Variants in REPS2 observed in about 807,000 individuals in gnomAD.
REPS2 encodes the protein ralBP1-associated Eps domain-containing protein 2.
A neutral mutation model predicts 53.6 loss-of-function variants in REPS2; 23 were observed. The ratio of observed to expected loss-of-function variants is 0.43; its 90% CI spans 0.31 to 0.61. The LOEUF (loss-of-function observed/expected upper bound fraction) is 0.61. Among genes scored for constraint, REPS2 ranks in the 20% least tolerant of loss-of-function variants. The probability of loss-of-function intolerance (pLI) is 0.11; values close to 1 mark genes in which losing one functional copy is unlikely to be tolerated. For synonymous variants in REPS2, 238 were observed against 218.6 expected, an observed-to-expected ratio of 1.09 and a Z score of -0.78; for missense variants, 446 against 534.9, an observed-to-expected ratio of 0.83 and a Z score of 1.64.
chrX:17,127,667 C>T (rs896496759), intron 14 of REPS2, among the ~76,000 whole-genome samples: 1 of 111,491 alleles, frequency 9.0e-6, no homozygotes, highest in Non-Finnish European at 1.9e-5. Flanking sequence ...TTTCTCCTGA[C>T]TCCTCACCCT....
At chrX:17,050,368 T>G (rs1013913410) in intron 6 of REPS2, among the ~76,000 whole-genome samples, 6 of 104,352 alleles carry the variant, frequency 5.7e-5, no homozygotes, top group African/African-American at 2.1e-4. Context: ...CTAATTTTTT[T>G]GTAGAGAGGA....
chrX:17,089,131 C>T (rs956077156), intron 13 of REPS2, among the ~76,000 whole-genome samples: 4 of 111,374 alleles, frequency 3.6e-5, no homozygotes, highest in Non-Finnish European at 7.5e-5. Flanking sequence ...TAGTAGATTT[C>T]TCTGAGGTAC....
chrX:17,187,402 GAA>G, the REPS2 span, among the ~76,000 whole-genome samples: 1 of 111,881 alleles, frequency 8.9e-6, no homozygotes, highest in Non-Finnish European at 1.9e-5. Context: ...AAGCTCCTGA[GAA>G]AAGAGATCTA....
At chrX:17,123,209 G>A (rs1019858759) in intron 14 of REPS2, among the ~76,000 whole-genome samples, 2 of 111,459 alleles carry the variant, frequency 1.8e-5, no homozygotes. Context: ...TGAGTCTCTA[G>A]AGAATCCTGC....
At chrX:17,017,673 G>C (rs2061516130) in intron 2 of REPS2, among the ~76,000 whole-genome samples, 1 of 111,639 alleles carries the variant, frequency 9.0e-6, no homozygotes, top group Admixed American at 9.5e-5. Context: ...AAATCAATTA[G>C]TTGCTTACAT....
intron 10 of REPS2, among the ~76,000 whole-genome samples, chrX:17,069,089 T>C (rs1163489975): frequency 1.8e-5 from 2 of 112,176 alleles, no homozygotes; most frequent in African/African-American, 3.2e-5. Flanking sequence ...TATAGTGCTT[T>C]ATAATCTACC....
chrX:17,191,544 C>G, the REPS2 span, among the ~76,000 whole-genome samples: 2 of 112,150 alleles, frequency 1.8e-5, no homozygotes, highest in African/African-American at 6.5e-5. Context: ...TAGAGTTAAA[C>G]CTACATTTAC....
the REPS2 span, among the ~76,000 whole-genome samples, chrX:17,175,492 G>A: frequency 8.9e-6 from 1 of 112,137 alleles, no homozygotes; most frequent in Non-Finnish European, 1.9e-5. Flanking sequence ...ATACCACCCT[G>A]CTTCTCAAAT....
intron 1 of REPS2, among the ~76,000 whole-genome samples, chrX:16,984,423 T>G (rs946928292): frequency 8.9e-6 from 1 of 112,121 alleles, no homozygotes; most frequent in South Asian, 3.7e-4. Flanking sequence ...TGATCACTTC[T>G]GCTCTTTTCT....
chrX:17,127,994 A>G (rs1953590714), intron 14 of REPS2, among the ~76,000 whole-genome samples: 1 of 111,570 alleles, frequency 9.0e-6, no homozygotes, highest in African/African-American at 3.3e-5. Flanking sequence ...TGTCCTCACA[A>G]TGTGGCAGCT....
intron 1 of REPS2, among the ~76,000 whole-genome samples, chrX:16,956,425 C>T (rs2060598301): frequency 9.3e-6 from 1 of 107,534 alleles, no homozygotes; most frequent in African/African-American, 3.4e-5. Context: ...TCTCAGCCTC[C>T]CAAGTAGCTG....
chrX:17,068,145 C>T (rs1454904374), intron 9 of REPS2, among the ~76,000 whole-genome samples: 2 of 110,079 alleles, frequency 1.8e-5, no homozygotes, highest in Admixed American at 1.9e-4. Context: ...AAGCCCTTCT[C>T]TACTAAAAAA....
chrX:17,181,975 T>C, the REPS2 span, among the ~76,000 whole-genome samples: 1 of 112,093 alleles, frequency 8.9e-6, no homozygotes, highest in Non-Finnish European at 1.9e-5. Context: ...ATCTTGCTAT[T>C]CCCCTATCAA....
intron 13 of REPS2, chrX:17,100,033 C>G: frequency 8.6e-7 from 1 of 1,164,721 alleles, no homozygotes. Context: ...GGTTTGCTCT[C>G]CTCTCCCTTA....
At chrX:17,182,144 A>ATCTATCTG in the REPS2 span, among the ~76,000 whole-genome samples, 1 of 42,126 alleles carries the variant, frequency 2.4e-5, no homozygotes, top group Non-Finnish European at 5.5e-5. Context: ...CTATCTGTCT[A>ATCTATCTG]TCTATCTATC....
chrX:17,190,588 C>T, the REPS2 span, among the ~76,000 whole-genome samples: 2 of 112,149 alleles, frequency 1.8e-5, no homozygotes, highest in Non-Finnish European at 3.8e-5. Context: ...ATCAAAATTC[C>T]AGCAGGATTT....
chrX:16,992,420 T>C (rs1004035787), intron 1 of REPS2, among the ~76,000 whole-genome samples: 9 of 112,001 alleles, frequency 8.0e-5, no homozygotes, highest in African/African-American at 1.9e-4. Flanking sequence ...AACTAAGACA[T>C]GGAGTATTTT....
At chrX:17,103,217 C>T (rs2062830595) in intron 13 of REPS2, among the ~76,000 whole-genome samples, 1 of 111,817 alleles carries the variant, frequency 8.9e-6, no homozygotes, top group Non-Finnish European at 1.9e-5. Context: ...GTCAGCCTCC[C>T]TCACTGCTTT....
intron 2 of REPS2, among the ~76,000 whole-genome samples, chrX:17,021,758 C>T (rs1284747839): frequency 8.9e-6 from 1 of 112,339 alleles, no homozygotes; most frequent in Non-Finnish European, 1.9e-5. Flanking sequence ...AATACTGTGC[C>T]TGGCATATTT....
Sources: gnomAD v4.1 joint callset for allele counts (sites outside exome capture counted in the v4.1 genomes callset) on GRCh38, gnomAD v4.1.1 for gene constraint, MANE v1.5 for transcripts, NCBI Gene and HGNC (gene_info 2026-07-23, HGNC 2026-07-21) for gene names.